LRP1B: variants seen among roughly 807,000 people sequenced by gnomAD.
The protein encoded by LRP1B is LDL receptor related protein 1B.
A neutral mutation model predicts 556.6 loss-of-function variants in LRP1B; 217 were observed. The ratio of observed to expected loss-of-function variants is 0.39; its 90% CI spans 0.35 to 0.44. LRP1B has a LOEUF of 0.44. Ranked by LOEUF, LRP1B falls within the 20% of genes least tolerant of loss-of-function variation. LRP1B has a pLI of 1.00. For synonymous variants in LRP1B, 2,047 were observed against 1,865.8 expected, an observed-to-expected ratio of 1.10 and a Z score of -2.50; for missense variants, 5,053 against 5,620.8, an observed-to-expected ratio of 0.90 and a Z score of 3.23.
chr2:141,059,242 T>C (rs1267464833), intron 8 of LRP1B, among the ~76,000 whole-genome samples, 188 bp from the exon 9 acceptor site: 2 of 151,756 alleles, frequency 1.3e-5, no homozygotes, highest in African/African-American at 4.8e-5. Context: ...AAGAAAACAT[T>C]ATGCAGTAGT....
At chr2:141,108,334 C>CTTTTTTTTTTTTTTTTTTTTTT (rs60275697) in intron 7 of LRP1B, among the ~76,000 whole-genome samples, 2 of 88,514 alleles carry the variant, frequency 2.3e-5, no homozygotes, top group Admixed American at 1.4e-4. Flanking sequence ...TAATCTGTTT[C>CTTTTTTTTTTTTTTTTTTTTTT]TTTTTTTTTT....
chr2:141,952,795 C>A (rs1175444256), intron 1 of LRP1B, among the ~76,000 whole-genome samples: 1 of 152,084 alleles, frequency 6.6e-6, no homozygotes, highest in Non-Finnish European at 1.5e-5. Flanking sequence ...TACGTTGGGT[C>A]AGTATCTGGC....
At chr2:141,566,556 T>C (rs1185730808) in intron 2 of LRP1B, among the ~76,000 whole-genome samples, 1 of 152,228 alleles carries the variant, frequency 6.6e-6, no homozygotes, top group Non-Finnish European at 1.5e-5. Flanking sequence ...TTCCATTATG[T>C]GTGGTCTTCC....
chr2:140,850,246 C>T lies in LRP1B; in HGVS notation c.4795G>A (p.Ala1599Thr), dbSNP rs1027002237. 2 of 1,613,236 alleles carry T rather than the reference C, an allele frequency of 1.2e-6. No individual in the cohort carries two copies. Among genetic ancestry groups the T allele is most frequent in the African/African-American group, 1.3e-5 (1 of 74,878 alleles). Residue 1599 changes from alanine to threonine, a missense_variant, in exon 29 of 91, where the codon GCA becomes ACA. Physicochemically the swap from Ala to Thr is moderately conservative, Grantham distance 58. Coordinates refer to ENST00000389484, the MANE Select transcript of LRP1B (RefSeq NM_018557.3). ...TCATCAATATCAGGGACTGTAAATG[C>T]CGTGATGAAGTTAAAGTATGGATTG... ...IDNPYFNFITAFTVPDIDDVT... is the reference protein window; with the variant it reads ...IDNPYFNFITTFTVPDIDDVT...
intron 66 of LRP1B, among the ~76,000 whole-genome samples, chr2:140,397,453 A>G (rs996469010): frequency 2.0e-5 from 3 of 152,090 alleles, no homozygotes; most frequent in African/African-American, 7.2e-5. Flanking sequence ...AGTGGCACTT[A>G]TTTCCATTAC....
intron 32 of LRP1B, among the ~76,000 whole-genome samples, chr2:140,794,281 T>G (rs1057499903): frequency 1.3e-5 from 2 of 152,134 alleles, no homozygotes; most frequent in Non-Finnish European, 2.9e-5. Context: ...TGTGAATACA[T>G]AGGTAATTAC....
intron 2 of LRP1B, among the ~76,000 whole-genome samples, chr2:141,553,333 TTAAG>T (rs1685823733): frequency 6.6e-6 from 1 of 151,740 alleles, no homozygotes; most frequent in Admixed American, 6.6e-5. Flanking sequence ...TTGTGAGAAA[TTAAG>T]TATTAAAATA....
intron 9 of LRP1B, among the ~76,000 whole-genome samples, chr2:141,056,186 A>AT (rs1377361924): frequency 2.6e-5 from 4 of 151,614 alleles, no homozygotes; most frequent in African/African-American, 7.3e-5. Flanking sequence ...AATTTTTACT[A>AT]ATTTTTTCCT....
At chr2:140,500,095 T>C (rs1689114975) in intron 55 of LRP1B, among the ~76,000 whole-genome samples, 1 of 151,988 alleles carries the variant, frequency 6.6e-6, no homozygotes, top group Non-Finnish European at 1.5e-5. Context: ...GCTCACTTGC[T>C]TTCTTTCTTT....
chr2:141,502,126 C>T (rs1314164141), intron 2 of LRP1B, among the ~76,000 whole-genome samples: 10 of 152,138 alleles, frequency 6.6e-5, no homozygotes, highest in Non-Finnish European at 1.0e-4. Flanking sequence ...AACTGCCTAG[C>T]TGGGGAGTCC....
chr2:141,803,505 A>G (rs1696078047), intron 2 of LRP1B, among the ~76,000 whole-genome samples: 1 of 152,072 alleles, frequency 6.6e-6, no homozygotes, highest in African/African-American at 2.4e-5. Context: ...AAACAAAAAG[A>G]ATTGAAAGAG....
At chr2:140,248,578 G>T (rs185759356) in intron 86 of LRP1B, among the ~76,000 whole-genome samples, 1 of 151,412 alleles carries the variant, frequency 6.6e-6, no homozygotes, top group African/African-American at 2.4e-5. Flanking sequence ...CCAAGTCTAC[G>T]ACTCTTGTCT....
chr2:141,389,440 C>G (rs1218724510), intron 3 of LRP1B, among the ~76,000 whole-genome samples: 1 of 151,380 alleles, frequency 6.6e-6, no homozygotes, highest in African/African-American at 2.5e-5. Flanking sequence ...AAGTTAGGCT[C>G]CTATTTCACA....
chr2:140,351,698 T>C (rs1681968677), intron 76 of LRP1B, among the ~76,000 whole-genome samples: 1 of 152,086 alleles, frequency 6.6e-6, no homozygotes, highest in African/African-American at 2.4e-5. Context: ...AAATTATCAA[T>C]TAAAATATTA....
At chr2:140,320,453 TA>T in intron 82 of LRP1B, among the ~76,000 whole-genome samples, 1 of 152,134 alleles carries the variant, frequency 6.6e-6, no homozygotes, top group Non-Finnish European at 1.5e-5. Context: ...ACTGTGAGGG[TA>T]AGGACCCAGA....
intron 1 of LRP1B, among the ~76,000 whole-genome samples, chr2:141,962,262 T>TCA (rs1015316016): frequency 3.5e-4 from 13 of 36,812 alleles, no homozygotes; most frequent in African/African-American, 1.2e-3. Flanking sequence ...TATCTAATAA[T>TCA]CAGGGCCAAA....
intron 77 of LRP1B, among the ~76,000 whole-genome samples, chr2:140,345,877 TAA>T (rs541391350): frequency 1.5e-4 from 21 of 142,910 alleles, no homozygotes; most frequent in Admixed American, 2.8e-4. Context: ...TATATATATA[TAA>T]AAAAAATAGC....
At chr2:141,065,460 A>G (rs937107184) in intron 7 of LRP1B, among the ~76,000 whole-genome samples, 1 of 151,954 alleles carries the variant, frequency 6.6e-6, no homozygotes, top group African/African-American at 2.4e-5. Context: ...ATTGTGTTTA[A>G]TCGTCTTTTC....
intron 1 of LRP1B, among the ~76,000 whole-genome samples, chr2:141,880,258 C>T (rs1698910881): frequency 6.6e-6 from 1 of 152,142 alleles, no homozygotes; most frequent in South Asian, 2.1e-4. Context: ...GTACTGTTGG[C>T]TCCTCACAGC....
Sources: allele counts gnomAD v4.1 joint callset (sites outside exome capture counted in the v4.1 genomes callset), GRCh38; gene constraint gnomAD v4.1.1; transcripts MANE v1.5; gene names NCBI Gene and HGNC (gene_info 2026-07-23, HGNC 2026-07-21).